The following PDE1C variants were observed in gnomAD, a reference collection of about 807,000 sequenced individuals.
The protein encoded by PDE1C is dual specificity calcium/calmodulin-dependent 3',5'-cyclic nucleotide phosphodiesterase 1C.
PDE1C carries 62 observed loss-of-function variants against 93.1 expected under a neutral mutation model. The observed-to-expected ratio is 0.67, with a 90% CI of 0.54 to 0.82. PDE1C has a LOEUF of 0.82. Ranked by LOEUF, PDE1C falls within the 40% of genes least tolerant of loss-of-function variation. The pLI is 0.00. For missense variants in PDE1C, 742 were observed against 884.6 expected (o/e 0.84, Z 2.04); for synonymous variants, 325 against 310.1 (o/e 1.05, Z -0.50).
the PDE1C span, among the ~76,000 whole-genome samples, chr7:31,706,890 C>G: frequency 6.6e-6 from 1 of 152,106 alleles, no homozygotes; most frequent in African/African-American, 2.4e-5. Context: ...ACTGTGAGTG[C>G]AAAGCAATTG....
chr7:32,388,667 G>A (rs1393581050), intron 1 of PDE1C, among the ~76,000 whole-genome samples: 1 of 128,106 alleles, frequency 7.8e-6, no homozygotes, highest in African/African-American at 3.1e-5. Context: ...AGAAAGAATG[G>A]GTCCCATTTC....
chr7:32,026,592 C>T (rs966184027), intron 2 of PDE1C, among the ~76,000 whole-genome samples: 3 of 152,104 alleles, frequency 2.0e-5, no homozygotes, highest in African/African-American at 7.2e-5. Context: ...CAAAATGGTA[C>T]AGCCACTTTA....
chr7:32,122,722 G>A (rs1197248003), intron 3 of PDE1C, among the ~76,000 whole-genome samples: 3 of 152,142 alleles, frequency 2.0e-5, no homozygotes, highest in Non-Finnish European at 4.4e-5. Context: ...GCAGGGTTAA[G>A]AGGGAAATTT....
chr7:31,901,894 C>T (rs932398817), intron 2 of PDE1C, among the ~76,000 whole-genome samples: 3 of 151,182 alleles, frequency 2.0e-5, no homozygotes, highest in South Asian at 2.1e-4. Flanking sequence ...TAGTATATAA[C>T]GTTTGTCAAG....
the PDE1C span, among the ~76,000 whole-genome samples, chr7:31,741,868 C>T: frequency 6.6e-6 from 1 of 152,188 alleles, no homozygotes; most frequent in Admixed American, 6.5e-5. Flanking sequence ...GTCCCATGTG[C>T]CCCAATTCTC....
chr7:32,190,289 C>T (rs1034004369), intron 2 of PDE1C, among the ~76,000 whole-genome samples: 3 of 152,196 alleles, frequency 2.0e-5, no homozygotes, highest in African/African-American at 7.2e-5. Context: ...TTGCACATTT[C>T]ACAGCCTACA....
intron 1 of PDE1C, among the ~76,000 whole-genome samples, chr7:32,318,766 G>T (rs1039279059): frequency 4.6e-5 from 7 of 152,142 alleles, no homozygotes; most frequent in Non-Finnish European, 7.3e-5. Context: ...ATTTGCCCGC[G>T]TATCTACCTA....
intron 2 of PDE1C, among the ~76,000 whole-genome samples, chr7:32,049,151 A>T (rs1431915220): frequency 2.0e-5 from 3 of 152,184 alleles, no homozygotes; most frequent in African/African-American, 7.2e-5. Context: ...TGAGTGATTA[A>T]TTTACATCCT....
chr7:32,415,472 G>GT (rs1463564968), intron 1 of PDE1C, among the ~76,000 whole-genome samples: 2 of 151,912 alleles, frequency 1.3e-5, no homozygotes, highest in Non-Finnish European at 2.9e-5. Context: ...AATAAATAAT[G>GT]TTTTTTAAAT....
chr7:31,624,365 C>G, the PDE1C span, among the ~76,000 whole-genome samples: 2 of 147,108 alleles, frequency 1.4e-5, no homozygotes, highest in Non-Finnish European at 3.0e-5. Flanking sequence ...TACCTGACTT[C>G]AAACTATACT....
At chr7:32,396,891 C>T (rs927913841) in intron 1 of PDE1C, among the ~76,000 whole-genome samples, 2 of 152,142 alleles carry the variant, frequency 1.3e-5, no homozygotes, top group South Asian at 4.2e-4. Flanking sequence ...AAGAGATGAA[C>T]ATTTTATCAA....
chr7:31,884,826 C>A (rs1040956551), intron 2 of PDE1C, among the ~76,000 whole-genome samples: 6 of 152,068 alleles, frequency 3.9e-5, no homozygotes, highest in African/African-American at 1.2e-4. Context: ...GAATAAGGAC[C>A]CCTCTCTATT....
At chr7:31,641,755 C>T in the PDE1C span, among the ~76,000 whole-genome samples, 7 of 152,158 alleles carry the variant, frequency 4.6e-5, no homozygotes, top group East Asian at 1.4e-3. Context: ...GGTACTTATC[C>T]AAACTTTAGT....
intron 2 of PDE1C, among the ~76,000 whole-genome samples, chr7:31,898,592 C>A (rs75508363): frequency 6.6e-6 from 1 of 152,104 alleles, no homozygotes; most frequent in Non-Finnish European, 1.5e-5. Context: ...AGTTTTGTAA[C>A]TACATTTTTG....
At chr7:32,302,188 A>T (rs181421660), upstream of PDE1C, among the ~76,000 whole-genome samples, 650 of 152,324 alleles carry the variant, frequency 4.3e-3, 4 homozygotes, top group Non-Finnish European at 6.7e-3. Context: ...CATACTTTAC[A>T]TCTGTCAGGG....
chr7:31,653,024 C>T, the PDE1C span: 17 of 1,360,064 alleles, frequency 1.2e-5, no homozygotes, highest in East Asian at 3.6e-4. Flanking sequence ...TAACTGAGCA[C>T]CTAGTATGTG....
chr7:31,715,922 C>T, the PDE1C span, among the ~76,000 whole-genome samples: 1 of 152,142 alleles, frequency 6.6e-6, no homozygotes, highest in Non-Finnish European at 1.5e-5. Flanking sequence ...TTGTGCATAG[C>T]CCTTGCCTAC....
intron 9 of PDE1C, among the ~76,000 whole-genome samples, chr7:31,839,403 CATGT>C (rs918052647): frequency 5.7e-5 from 8 of 139,558 alleles, no homozygotes; most frequent in African/African-American, 2.0e-4. Context: ...CACGTGTTTC[CATGT>C]ATATACATAG....
At chr7:32,087,275 G>C (rs1443930456) in intron 3 of PDE1C, among the ~76,000 whole-genome samples, 41 of 151,214 alleles carry the variant, frequency 2.7e-4, no homozygotes, top group African/African-American at 9.5e-4. Context: ...GGCCATCAGA[G>C]AAATGCAAAT....
Sources: allele counts gnomAD v4.1 joint callset (sites outside exome capture counted in the v4.1 genomes callset), GRCh38; gene constraint gnomAD v4.1.1; transcripts MANE v1.5; gene names NCBI Gene and HGNC (gene_info 2026-07-23, HGNC 2026-07-21).